NMNAT2: variants seen among roughly 807,000 people sequenced by gnomAD.
The protein encoded by NMNAT2 is nicotinamide/nicotinic acid mononucleotide adenylyltransferase 2.
NMNAT2 carries 11 observed loss-of-function variants against 41.6 expected under a neutral mutation model. That is an observed-to-expected ratio of 0.26 (90% confidence interval 0.17 to 0.44). The LOEUF is 0.44. NMNAT2 is among the 20% of genes least tolerant of loss of function. NMNAT2 has a pLI of 1.00. For missense variants in NMNAT2, 288 were observed against 407.7 expected, an observed-to-expected ratio of 0.71 and a Z score of 2.53; for synonymous variants, 148 against 151.2, an observed-to-expected ratio of 0.98 and a Z score of 0.16.
intron 1 of NMNAT2, among the ~76,000 whole-genome samples, chr1:183,328,307 T>G: frequency 6.6e-6 from 1 of 152,190 alleles, no homozygotes; most frequent in African/African-American, 2.4e-5. Context: ...CTATGATTGT[T>G]TTGGACAGTC....
chr1:183,412,234 T>G (rs1425064782), intron 1 of NMNAT2, among the ~76,000 whole-genome samples: 3 of 152,220 alleles, frequency 2.0e-5, no homozygotes, highest in Non-Finnish European at 4.4e-5. Flanking sequence ...TTTGTTTGTT[T>G]GTTTATTGAG....
rs556821680 is a variant in NMNAT2, at chr1:183,268,634, A to G, written c.652-7331T>C. On this transcript the variant is annotated intron_variant, in intron 8 of 10. Transcript: ENST00000287713. Reference sequence around the variant, plus strand: ...CTCAACAAACTTTTATTGAGCATGTATATGGTGAACTGGGCACTGTTCTGG... The same window carrying G: ...CTCAACAAACTTTTATTGAGCATGTGTATGGTGAACTGGGCACTGTTCTGG... Among the ~76,000 whole-genome samples the G allele has an allele frequency of 3.3e-5, 5 of 152,348 alleles. No individual in the cohort carries two copies. In the East Asian group the frequency reaches 9.6e-4, roughly 29 times the overall value.
In NMNAT2 at chr1:183,252,549, A is replaced by G. The variant is rs1446617387; in HGVS notation, c.*92T>C. ...AGTCAGCAAGTAGGGAAAACAGTCA[A>G]GACGAGGAGATGGAGAAACAGAGAG... On this transcript the variant is annotated 3_prime_UTR_variant, in exon 11 of 11. Coordinates refer to ENST00000287713, the MANE Select transcript of NMNAT2 (RefSeq NM_015039.4). 1 of 940,156 alleles carries G rather than the reference A, an allele frequency of 1.1e-6. No individual in the cohort carries two copies. The allele number at this position is 940,156 out of a possible 1,614,324, so 58.2% of individuals were successfully genotyped here.
chr1:183,346,509 C>T (rs1453320126), intron 1 of NMNAT2, among the ~76,000 whole-genome samples: 1 of 152,160 alleles, frequency 6.6e-6, no homozygotes, highest in African/African-American at 2.4e-5. Flanking sequence ...TGCTGAAGTT[C>T]CACATCACCA....
chr1:183,285,855 A>C (rs1335413455), intron 5 of NMNAT2, among the ~76,000 whole-genome samples: 1 of 152,172 alleles, frequency 6.6e-6, no homozygotes, highest in Non-Finnish European at 1.5e-5. Flanking sequence ...ATTTGGGCAC[A>C]TAGTCCTAGG....
In NMNAT2 at chr1:183,252,354, A is replaced by G. The variant is rs1660409854; in HGVS notation, c.*287T>C. 4.9e-6 allele frequency: 2 copies of G among 409,238 alleles called. No homozygotes were observed. Among genetic ancestry groups the G allele is most frequent in the South Asian group, 5.0e-5 (2 of 40,098 alleles). The allele number at this position is 409,238 out of a possible 1,614,324, so 25.4% of individuals were successfully genotyped here. On this transcript the variant is annotated 3_prime_UTR_variant, in exon 11 of 11. Transcript: ENST00000287713. Reference sequence around the variant, plus strand: ...GGCACCAGAGCCGCCTCTCTAGAGCATGCTGGGAGACGGACACCAGTACAT... The same window carrying G: ...GGCACCAGAGCCGCCTCTCTAGAGCGTGCTGGGAGACGGACACCAGTACAT...
chr1:183,348,298 G>A (rs1376463903), intron 1 of NMNAT2, among the ~76,000 whole-genome samples: 1 of 152,066 alleles, frequency 6.6e-6, no homozygotes, highest in South Asian at 2.1e-4. Context: ...CCACAAGCAT[G>A]AGTATGTAAG....
In NMNAT2 at chr1:183,252,735, A is replaced by T; in HGVS notation, c.830T>A (p.Leu277Gln). 6.2e-7 allele frequency: 1 copy of T among 1,613,632 alleles called. No homozygotes were observed. Among genetic ancestry groups the T allele is most frequent in the Non-Finnish European group, 8.5e-7 (1 of 1,179,572 alleles). ...VVSSTKSRLA[L>Q]QHGDGHVVDY... ...CACAACATGGCCGTCCCCATGCTGC[A>T]GGGCCAGCCTGCACAAGAAGAGATG... The change falls in exon 11 of 11, where the codon CTG becomes CAG. Residue 277 changes from leucine (L) to glutamine (Q), a missense_variant. Leu to Gln is a moderately radical substitution (Grantham distance 113). This residue lies in a region of NMNAT2 where 181 missense variants were observed against 213.7 expected (regional missense o/e 0.85). Coordinates refer to ENST00000287713, the MANE Select transcript of NMNAT2 (RefSeq NM_015039.4).
At chr1:183,395,744 C>T (rs1648621081) in intron 1 of NMNAT2, among the ~76,000 whole-genome samples, 1 of 152,120 alleles carries the variant, frequency 6.6e-6, no homozygotes, top group South Asian at 2.1e-4. Context: ...AGGTGTTACA[C>T]TTTTTACAGT....
At chr1:183,339,664 C>T (rs897198791) in intron 1 of NMNAT2, among the ~76,000 whole-genome samples, 1 of 152,212 alleles carries the variant, frequency 6.6e-6, no homozygotes, top group African/African-American at 2.4e-5. Flanking sequence ...TGAACACTTA[C>T]AATGTGCTAG....
At chr1:183,383,404 C>A (rs896926987) in intron 1 of NMNAT2, among the ~76,000 whole-genome samples, 1 of 152,248 alleles carries the variant, frequency 6.6e-6, no homozygotes, top group Admixed American at 6.5e-5. Flanking sequence ...CTCCTCATTA[C>A]TTGTGCAAAT....
chr1:183,404,749 G>A (rs534713782), intron 1 of NMNAT2, among the ~76,000 whole-genome samples: 3 of 152,314 alleles, frequency 2.0e-5, no homozygotes, highest in East Asian at 3.9e-4. Context: ...TGCCACCCCC[G>A]CTGTTGGTCT....
At chr1:183,300,625 G>A (rs953308455) in intron 1 of NMNAT2, among the ~76,000 whole-genome samples, 1 of 152,194 alleles carries the variant, frequency 6.6e-6, no homozygotes, top group Non-Finnish European at 1.5e-5. Context: ...ACTGGGTGAA[G>A]AGTACATGGT....
chr1:183,248,523 G>C lies in NMNAT2; in HGVS notation c.*4118C>G, dbSNP rs1023314091. On this transcript the variant is annotated 3_prime_UTR_variant, in exon 11 of 11. Transcript: ENST00000287713. ...ATCCTCAGCCCTGGGACTAGACTAA[G>C]GTTGAGGGAAAGAGCCGTTAACTCA... 6.6e-6 allele frequency: 1 copy of C among 152,462 alleles called. No individual in the cohort carries two copies. Among genetic ancestry groups the C allele is most frequent in the Admixed American group, 6.5e-5 (1 of 15,270 alleles). 9.4% of individuals were successfully genotyped at this position (152,462 alleles called of 1,614,324 possible).
chr1:183,303,671 C>T (rs1661923015), intron 1 of NMNAT2, among the ~76,000 whole-genome samples: 1 of 152,212 alleles, frequency 6.6e-6, no homozygotes, highest in Non-Finnish European at 1.5e-5. Flanking sequence ...ACAGACAATC[C>T]TACCAGGCCC....
At chr1:183,408,448 A>G (rs1269011101) in intron 1 of NMNAT2, among the ~76,000 whole-genome samples, 1 of 152,240 alleles carries the variant, frequency 6.6e-6, no homozygotes, top group Non-Finnish European at 1.5e-5. Flanking sequence ...GTAAAAAGCC[A>G]TCCTTAGCTT....
intron 1 of NMNAT2, among the ~76,000 whole-genome samples, chr1:183,338,226 G>A (rs529086562): frequency 2.0e-4 from 6 of 29,882 alleles, no homozygotes; most frequent in East Asian, 3.5e-3. Context: ...ATCATTAACC[G>A]TGAGGCAGAT....
intron 1 of NMNAT2, among the ~76,000 whole-genome samples, chr1:183,403,376 A>ATG (rs757033239): frequency 5.3e-5 from 8 of 152,154 alleles, no homozygotes; most frequent in Admixed American, 2.0e-4. Flanking sequence ...TGTAAAAGAA[A>ATG]TGTGTGTGTG....
intron 8 of NMNAT2, among the ~76,000 whole-genome samples, chr1:183,269,937 G>C (rs1240899255): frequency 1.3e-5 from 2 of 152,094 alleles, no homozygotes; most frequent in Non-Finnish European, 2.9e-5. Context: ...AGGCTGGAGT[G>C]CAGTGGCGCC....
Sources: gnomAD v4.1 joint callset for allele counts (sites outside exome capture counted in the v4.1 genomes callset) on GRCh38, gnomAD v4.1.1 for gene constraint, gnomAD v4.1.1 regional missense constraint, MANE v1.5 for transcripts, NCBI Gene and HGNC (gene_info 2026-07-23, HGNC 2026-07-21) for gene names.